TRPC1: variants seen among roughly 807,000 people sequenced by gnomAD.
The protein encoded by TRPC1 is short transient receptor potential channel 1.
Under a neutral mutation model 88.2 loss-of-function variants are expected in TRPC1, and 42 were observed. The observed-to-expected ratio is 0.48, with a 90% CI of 0.37 to 0.62. The LOEUF is 0.62. TRPC1 is among the 20% of genes least tolerant of loss of function. The pLI, the probability that TRPC1 is intolerant of heterozygous loss-of-function variation, is 0.00. For missense variants in TRPC1, 699 were observed against 957.3 expected (o/e 0.73, Z 3.56); for synonymous variants, 288 against 331.8 (o/e 0.87, Z 1.43).
chr3:142,787,897 C>A (rs1936179909), intron 7 of TRPC1, among the ~76,000 whole-genome samples: 1 of 152,102 alleles, frequency 6.6e-6, no homozygotes, highest in South Asian at 2.1e-4. Flanking sequence ...ACTGAGAGAA[C>A]TGGGAGAGGA....
chr3:142,739,522 T>C (rs1336987631), intron 2 of TRPC1, among the ~76,000 whole-genome samples: 1 of 152,180 alleles, frequency 6.6e-6, no homozygotes, highest in Admixed American at 6.5e-5. Flanking sequence ...TGAATTGATT[T>C]AGCATTTTTG....
chr3:142,724,658 G>C lies in TRPC1; in HGVS notation c.99G>C (p.Ala33=). 1.9e-6 allele frequency: 3 copies of C among 1,612,750 alleles called. No individual in the cohort carries two copies. The highest frequency in any genetic ancestry group is 2.5e-6 in the Non-Finnish European group (3 of 1,179,336). ...CTTCCTCGCCGAACGAGGTGATGGC[G>C]CTGAAGGATGTGCGGGAGGTGAAGG... ...PSSSSPNEVM[A]LKDVREVKEE... Residue 33 remains alanine (A), a synonymous_variant, in exon 1 of 13, where the codon GCG becomes GCC. Coordinates refer to ENST00000476941, the MANE Select transcript of TRPC1 (RefSeq NM_001251845.2). The surrounding 1 kb of genome is among the most constrained non-coding windows in gnomAD (Gnocchi z 5.6).
At chr3:142,743,150 C>A (rs1271400752) in intron 2 of TRPC1, among the ~76,000 whole-genome samples, 1 of 151,414 alleles carries the variant, frequency 6.6e-6, no homozygotes, top group Admixed American at 6.6e-5. Context: ...TTCTTTTGGT[C>A]CACAGTTCAA....
intron 2 of TRPC1, among the ~76,000 whole-genome samples, chr3:142,741,042 T>C (rs563181805): frequency 1.3e-5 from 2 of 152,036 alleles, no homozygotes; most frequent in Non-Finnish European, 2.9e-5. Context: ...AGTATGGGAA[T>C]TGTTGAAAAG....
chr3:142,790,211 CAT>C (rs551482363), intron 7 of TRPC1, among the ~76,000 whole-genome samples: 53 of 152,114 alleles, frequency 3.5e-4, no homozygotes, highest in South Asian at 1.2e-3. Flanking sequence ...AGGCAGGAGT[CAT>C]GTGTTCAAAG....
chr3:142,746,721 A>G (rs1934567442), intron 3 of TRPC1, among the ~76,000 whole-genome samples: 1 of 152,198 alleles, frequency 6.6e-6, no homozygotes, highest in African/African-American at 2.4e-5. Flanking sequence ...TATTATTGGT[A>G]ATATAAACTA....
At chr3:142,800,450 G>A (rs955201113) in intron 9 of TRPC1, among the ~76,000 whole-genome samples, 1 of 152,164 alleles carries the variant, frequency 6.6e-6, no homozygotes, top group African/African-American at 2.4e-5. Context: ...TGGGCTGGAA[G>A]CATCTGGCCA....
intron 4 of TRPC1, among the ~76,000 whole-genome samples, chr3:142,764,011 T>TACAC (rs1935299257): frequency 9.3e-6 from 1 of 107,856 alleles, no homozygotes; most frequent in African/African-American, 4.0e-5. Flanking sequence ...TATATATATA[T>TACAC]ATATAACAAA....
rs778183660 is a variant in TRPC1, at chr3:142,748,343, A to T, written c.515A>T (p.Tyr172Phe). 6.2e-7 allele frequency: 1 copy of T among 1,614,116 alleles called. No individual in the cohort carries two copies. The highest frequency in any genetic ancestry group is 8.5e-7 in the Non-Finnish European group (1 of 1,179,964). Reference sequence around the variant, plus strand: ...ATTTTAGCTGCTCATCGTAACAACTATGAAATTCTTACAATGCTCTTAAAA... The same window carrying T: ...ATTTTAGCTGCTCATCGTAACAACTTTGAAATTCTTACAATGCTCTTAAAA... ...PVILAAHRNNYEILTMLLKQD... is the reference protein window; with the variant it reads ...PVILAAHRNNFEILTMLLKQD... Residue 172 changes from tyrosine (Y) to phenylalanine (F), a missense_variant, in exon 4 of 13, where the codon TAT becomes TTT. By Grantham distance (22) the Tyr-to-Phe change is conservative (BLOSUM62 3). This residue lies in a region of TRPC1 where 426 missense variants were observed against 641.3 expected (regional missense o/e 0.66). Coordinates refer to ENST00000476941, the MANE Select transcript of TRPC1 (RefSeq NM_001251845.2).
chr3:142,789,395 T>C (rs1256988406), intron 7 of TRPC1, among the ~76,000 whole-genome samples: 2 of 152,244 alleles, frequency 1.3e-5, no homozygotes, highest in African/African-American at 4.8e-5. Flanking sequence ...TCTATTCATT[T>C]TGAGTAAAAA....
At chr3:142,737,321 A>C (rs1287848919) in intron 2 of TRPC1, among the ~76,000 whole-genome samples, 1 of 89,040 alleles carries the variant, frequency 1.1e-5, no homozygotes, top group East Asian at 3.2e-4. Flanking sequence ...GTACATTGCT[A>C]TTTTATATAT....
intron 4 of TRPC1, among the ~76,000 whole-genome samples, chr3:142,772,434 A>G (rs1935608909): frequency 6.6e-6 from 1 of 152,090 alleles, no homozygotes; most frequent in Non-Finnish European, 1.5e-5. Context: ...GCCATTTCAC[A>G]GCTACTGTTG....
intron 9 of TRPC1, among the ~76,000 whole-genome samples, chr3:142,799,788 A>T (rs1389825185): frequency 6.6e-6 from 1 of 152,156 alleles, no homozygotes; most frequent in African/African-American, 2.4e-5. Flanking sequence ...AAACAGAGTG[A>T]AACTCTGTCT....
chr3:142,800,925 A>T (rs1015166637), intron 9 of TRPC1, among the ~76,000 whole-genome samples: 1 of 151,710 alleles, frequency 6.6e-6, no homozygotes, highest in Admixed American at 6.6e-5. Context: ...AAAGAAAGAA[A>T]AAAAAAAAAA....
intron 2 of TRPC1, among the ~76,000 whole-genome samples, chr3:142,739,119 C>T (rs897732389): frequency 2.0e-5 from 3 of 152,048 alleles, no homozygotes; most frequent in Admixed American, 1.3e-4. Context: ...TTATTATAGG[C>T]ATGCACCATC....
At chr3:142,788,228 G>C (rs906970876) in intron 7 of TRPC1, among the ~76,000 whole-genome samples, 2 of 152,112 alleles carry the variant, frequency 1.3e-5, no homozygotes, top group African/African-American at 4.8e-5. Flanking sequence ...TAGTGCTGTG[G>C]CAGGAGTAGA....
At chr3:142,745,882 G>C (rs55722917) in intron 3 of TRPC1, among the ~76,000 whole-genome samples, 74,723 of 151,548 alleles carry the variant, frequency 0.49, 20,232 homozygotes, top group African/African-American at 0.73. Flanking sequence ...TTCAGCCTCC[G>C]GAGTAACTGG....
At chr3:142,726,774 A>G (rs1297058482) in intron 1 of TRPC1, among the ~76,000 whole-genome samples, 2 of 152,208 alleles carry the variant, frequency 1.3e-5, no homozygotes, top group African/African-American at 4.8e-5. Context: ...AATTTCCTGA[A>G]GTAGCTATGA....
At chr3:142,748,213 A>C (rs1400651297) in intron 3 of TRPC1, 45 bp from the exon 4 acceptor site, 2 of 1,458,698 alleles carry the variant, frequency 1.4e-6, no homozygotes, top group Non-Finnish European at 1.9e-6. Flanking sequence ...ATATTTTTTG[A>C]AGTCACAAAT....
Sources: allele counts gnomAD v4.1 joint callset (sites outside exome capture counted in the v4.1 genomes callset), GRCh38; gene constraint gnomAD v4.1.1; regional missense constraint gnomAD v4.1.1; non-coding constraint Gnocchi (gnomAD v3.1); transcripts MANE v1.5; gene names NCBI Gene and HGNC (gene_info 2026-07-23, HGNC 2026-07-21).